C6orf132: variants seen among roughly 807,000 people sequenced by gnomAD.
C6orf132 encodes the protein uncharacterized protein C6orf132.
Under a neutral mutation model 65.3 loss-of-function variants are expected in C6orf132, and 43 were observed. The observed-to-expected ratio is 0.66, with a 90% CI of 0.52 to 0.85. The LOEUF is 0.85. C6orf132 is among the 40% of genes least tolerant of loss of function. The pLI, the probability that C6orf132 is intolerant of heterozygous loss-of-function variation, is 0.00. For missense variants in C6orf132, 1,488 were observed against 1,548.8 expected, an observed-to-expected ratio of 0.96 and a Z score of 0.66; for synonymous variants, 631 against 654.1, an observed-to-expected ratio of 0.96 and a Z score of 0.54.
chr6:42,133,061 C>T (rs1766878626), intron 1 of C6orf132, among the ~76,000 whole-genome samples: 1 of 152,104 alleles, frequency 6.6e-6, no homozygotes, highest in African/African-American at 2.4e-5. Flanking sequence ...AAGGTCAAGG[C>T]CCAAAACTAA....
chr6:42,107,655 G>C, intron 3 of C6orf132, 72 bp from the exon 4 acceptor site: 2 of 1,527,476 alleles, frequency 1.3e-6, no homozygotes, highest in Non-Finnish European at 1.8e-6. Context: ...TGTTTACCCA[G>C]GGCAGGGGCA....
intron 2 of C6orf132, among the ~76,000 whole-genome samples, chr6:42,121,479 C>G (rs1411880360): frequency 6.6e-6 from 1 of 152,214 alleles, no homozygotes. Flanking sequence ...CTGTTGCACC[C>G]CTGAGAGTTC....
chr6:42,134,512 G>A (rs913103245), intron 1 of C6orf132, among the ~76,000 whole-genome samples: 1 of 151,920 alleles, frequency 6.6e-6, no homozygotes, highest in African/African-American at 2.4e-5. Context: ...AGTAGCTCAC[G>A]CCTGTAATCC....
chr6:42,135,624 G>A (rs1247084578), intron 1 of C6orf132, among the ~76,000 whole-genome samples: 1 of 152,242 alleles, frequency 6.6e-6, no homozygotes, highest in Non-Finnish European at 1.5e-5. Context: ...AGGTCAGAAA[G>A]ATTCTGGGAC....
At chr6:42,125,934 A>G (rs1766756603) in intron 2 of C6orf132, among the ~76,000 whole-genome samples, 1 of 151,900 alleles carries the variant, frequency 6.6e-6, no homozygotes, top group Non-Finnish European at 1.5e-5. Context: ...ATGCCCACCA[A>G]TCAGAACGAA....
At chr6:42,109,621 G>A (rs532742663) in intron 3 of C6orf132, among the ~76,000 whole-genome samples, 2 of 152,128 alleles carry the variant, frequency 1.3e-5, no homozygotes, top group African/African-American at 2.4e-5. Flanking sequence ...AGGAGCAACA[G>A]GAGATGCTGT....
rs368584999 is a variant in C6orf132 at position 42,106,949 on chromosome 6, T to C, written c.963A>G (p.Gln321=). ...CCCCCTCTTCCTTTCGGGGAGCCTC[T>C]TGTGCTTCCTGAACTGGGATGGACG... ...RTSSIPVQEA[Q]EAPRKEEGAT... Residue 321 remains glutamine (Q), a synonymous_variant, in exon 4 of 5, where the codon CAA becomes CAG. Coordinates refer to ENST00000341865, the MANE Select transcript of C6orf132 (RefSeq NM_001164446.3). The C allele has an allele frequency of 6.5e-4, 1,004 of 1,536,304 alleles. 14 individuals are homozygous for C. In the African/African-American group the frequency reaches 0.011, roughly 17 times the overall value.
At position 42,106,679 on chromosome 6, in the gene C6orf132, G is replaced by A. The variant is rs914960265; in HGVS notation, c.1233C>T (p.Pro411=). 6.6e-7 allele frequency: 1 copy of A among 1,517,712 alleles called. No homozygotes were observed. The highest frequency in any genetic ancestry group is 8.8e-7 in the Non-Finnish European group (1 of 1,134,924). The allele number at this position is 1,517,712 out of a possible 1,614,324, so 94.0% of individuals were successfully genotyped here. ...CACAGGGCAAAGGAGGTGCAGCTGG[G>A]GGAAGTGGGGGTGCTGGGGGAGGGA... ...PPLPPPAPPL[P]PAAPPLPCAQ... Residue 411 remains proline (P), a synonymous_variant, in exon 4 of 5, where the codon CCC becomes CCT. Transcript: ENST00000341865.
At chr6:42,121,312 C>T (rs1267951536) in intron 2 of C6orf132, among the ~76,000 whole-genome samples, 1 of 152,224 alleles carries the variant, frequency 6.6e-6, no homozygotes, top group African/African-American at 2.4e-5. Flanking sequence ...AGGGACAGGT[C>T]ACCAGGAATC....
Position 42,105,945 on chromosome 6 carries a change from G to A in C6orf132, c.1967C>T (p.Thr656Ile), listed in dbSNP as rs1306970250. 15 of 1,537,146 alleles carry A rather than the reference G, an allele frequency of 9.8e-6. No homozygotes were observed. The East Asian group carries it at 3.2e-4, about 33-fold the overall frequency. The change falls in exon 4 of 5, where the codon ACA becomes ATA. Residue 656 changes from threonine (T) to isoleucine (I), a missense_variant. Transcript: ENST00000341865. The stretch of plus-strand genomic sequence containing the variant: ...CTTGGGTGGTGTGGCTGGCCAAAGT[G>A]TAGCCTTGGGTGGTATGGCTGGCTC... Reference protein sequence around the residue: ...TPEPAIPPKATLWPATPPKAT... With the variant: ...TPEPAIPPKAILWPATPPKAT...
At chr6:42,103,929 C>T (rs560521352) in intron 4 of C6orf132, 51 bp from the exon 5 acceptor site, 36 of 1,218,324 alleles carry the variant, frequency 3.0e-5, no homozygotes, top group Non-Finnish European at 3.8e-5. Flanking sequence ...GGTTAGCCAA[C>T]ACGTCTCTCA....
chr6:42,134,241 G>A (rs1385471241), intron 1 of C6orf132, among the ~76,000 whole-genome samples: 2 of 152,228 alleles, frequency 1.3e-5, no homozygotes, highest in Non-Finnish European at 2.9e-5. Flanking sequence ...GGGATCCTGG[G>A]AGCCTCACTG....
chr6:42,103,877 A>G lies in C6orf132; in HGVS notation c.3451T>C (p.Ser1151Pro). The G allele has an allele frequency of 1.4e-6, 2 of 1,441,934 alleles. No individual in the cohort carries two copies. The highest frequency in any genetic ancestry group is 1.8e-6 in the Non-Finnish European group (2 of 1,099,212). The allele number at this position is 1,441,934 out of a possible 1,614,324, so 89.3% of individuals were successfully genotyped here. The change falls in exon 5 of 5, where the codon TCT (serine) becomes CCT (proline). Residue 1151 changes from serine (S) to proline (P), a missense_variant and splice_region_variant. Transcript: ENST00000341865. ...DYGFAPAAGR[S>P]PYTTTRYGSP... ...CCATAGCGGGTGGTGGTGTAGGGAG[A>G]CCTGGGGGAGAGCAAGAGATGTGAG...
chr6:42,118,228 C>T (rs1766614473), intron 2 of C6orf132, among the ~76,000 whole-genome samples: 1 of 152,182 alleles, frequency 6.6e-6, no homozygotes, highest in Non-Finnish European at 1.5e-5. Context: ...AGGTTGTCCT[C>T]TGACTCCAGA....
In C6orf132 at chr6:42,103,186, A is replaced by G. The variant is rs1195737456; in HGVS notation, c.*575T>C. 1 of 398,536 alleles carries G rather than the reference A, an allele frequency of 2.5e-6. No individual in the cohort carries two copies. Among genetic ancestry groups the G allele is most frequent in the Non-Finnish European group, 4.4e-6 (1 of 226,106 alleles). The allele number at this position is 398,536 out of a possible 1,614,324, so 24.7% of individuals were successfully genotyped here. A position where few individuals can be genotyped will look rare whatever the true frequency, so the allele number is the denominator to read the frequency against. ...CATGGTCCTTCTCCACATGTTATAC[A>G]TACACATTCCTGGTCCCACCTCAAT... On this transcript the variant is annotated 3_prime_UTR_variant, in exon 5 of 5. Coordinates refer to ENST00000341865, the MANE Select transcript of C6orf132 (RefSeq NM_001164446.3).
intron 2 of C6orf132, among the ~76,000 whole-genome samples, chr6:42,123,400 AACG>A: frequency 6.6e-6 from 1 of 150,448 alleles, no homozygotes; most frequent in Admixed American, 6.6e-5. Flanking sequence ...AAAACAAAAC[AACG>A]AAGAAGAAGA....
intron 1 of C6orf132, 61 bp from the exon 2 acceptor site, chr6:42,128,839 G>A: frequency 7.9e-7 from 1 of 1,262,602 alleles, no homozygotes; most frequent in Admixed American, 2.0e-5. Flanking sequence ...GGCCACCCAA[G>A]TTTAATCTGC....
Position 42,107,368 on chromosome 6 carries a change from G to A in C6orf132, c.544C>T (p.Pro182Ser), listed in dbSNP as rs539692316. The A allele has an allele frequency of 1.9e-5, 16 of 861,968 alleles. No homozygotes were observed. The Admixed American group carries it at 2.4e-4, about 13-fold the overall frequency. 53.4% of individuals were successfully genotyped at this position (861,968 alleles called of 1,614,324 possible). The change falls in exon 4 of 5, where the codon CCC (proline) becomes TCC (serine). Residue 182 changes from proline (P) to serine (S), a missense_variant. Pro to Ser is a moderately conservative substitution (Grantham distance 74, BLOSUM62 -1). Coordinates refer to ENST00000341865, the MANE Select transcript of C6orf132 (RefSeq NM_001164446.3). ...GGAGGTGGGGCCATGCTGGGCGGGG[G>A]TGGGGGTTCCAGCAGCAGGGGAGGT... ...PPPPLLLEPP[P>S]PPSMAPPPPP... is the part of the protein sequence containing the mutation.
In C6orf132 at chr6:42,102,096, A is replaced by G. The variant is rs987792907; in HGVS notation, c.*1665T>C. On this transcript the variant is annotated 3_prime_UTR_variant, in exon 5 of 5. Transcript: ENST00000341865. The stretch of plus-strand genomic sequence containing the variant: ...TTGTTTCCTGATATGTTTGGTGATC[A>G]CAGCATCTAAACCAGGACTTTTTTG... The G allele has an allele frequency of 6.6e-6, 1 of 152,192 alleles. No individual in the cohort carries two copies. The highest frequency in any genetic ancestry group is 2.4e-5 in the African/African-American group (1 of 41,432). 9.4% of individuals were successfully genotyped at this position (152,192 alleles called of 1,614,324 possible).
Sources: gnomAD v4.1 joint callset for allele counts (sites outside exome capture counted in the v4.1 genomes callset) on GRCh38, gnomAD v4.1.1 for gene constraint, MANE v1.5 for transcripts, NCBI Gene and HGNC (gene_info 2026-07-23, HGNC 2026-07-21) for gene names.